SEC14L4: variants seen among roughly 807,000 people sequenced by gnomAD.
The protein encoded by SEC14L4 is SEC14-like protein 4.
A neutral mutation model predicts 55.1 loss-of-function variants in SEC14L4; 42 were observed. The ratio of observed to expected loss-of-function variants is 0.76; its 90% CI spans 0.60 to 0.99. The LOEUF is 0.99. SEC14L4 is among the 50% of genes least tolerant of loss of function. The probability of loss-of-function intolerance (pLI) is 0.00; values close to 1 mark genes in which losing one functional copy is unlikely to be tolerated. For synonymous variants in SEC14L4, 206 were observed against 206.8 expected, an observed-to-expected ratio of 1.00 and a Z score of 0.03; for missense variants, 445 against 512.1, an observed-to-expected ratio of 0.87 and a Z score of 1.27.
intron 2 of SEC14L4, among the ~76,000 whole-genome samples, chr22:30,498,577 G>A (rs914285211): frequency 6.6e-6 from 1 of 152,036 alleles, no homozygotes; most frequent in East Asian, 1.9e-4. Flanking sequence ...CATTGGCAAA[G>A]GTCTCCAGTT....
chr22:30,502,912 C>T lies in SEC14L4; in HGVS notation c.130+765G>A, dbSNP rs555794650. On this transcript the variant is annotated intron_variant, in intron 2 of 11. Coordinates refer to ENST00000255858, the MANE Select transcript of SEC14L4 (RefSeq NM_174977.4). ...GAAGAAACTGCTTCTCTAGCATTCG[C>T]TAAATCCACTTCCTTAAGTGTTTGC... is the stretch of plus-strand genomic sequence containing the variant. Among the ~76,000 whole-genome samples, 5 of 152,342 alleles carry T rather than the reference C, an allele frequency of 3.3e-5. No individual in the cohort carries two copies. In the South Asian group the frequency reaches 1.0e-3, roughly 32 times the overall value.
intron 2 of SEC14L4, among the ~76,000 whole-genome samples, chr22:30,497,634 C>T (rs1936192472): frequency 2.0e-5 from 3 of 152,162 alleles, no homozygotes. Flanking sequence ...TCCTCAGCAG[C>T]TTTGACTGAA....
In SEC14L4 at chr22:30,494,576, T is replaced by C. The variant is rs1936075978; in HGVS notation, c.519+290A>G. On this transcript the variant is annotated intron_variant, in intron 6 of 11. Transcript: ENST00000255858. Reference sequence around the variant, plus strand: ...ATTGTTGGTAGAGATGACATCTCACTGTGTTGCTCAGGCTGATCCTGAACT... The same window carrying C: ...ATTGTTGGTAGAGATGACATCTCACCGTGTTGCTCAGGCTGATCCTGAACT... Among the ~76,000 whole-genome samples, 1 of 152,184 alleles carries C rather than the reference T, an allele frequency of 6.6e-6. No homozygotes were observed. Among genetic ancestry groups the C allele is most frequent in the Non-Finnish European group, 1.5e-5 (1 of 68,036 alleles).
rs538317267 is a variant in SEC14L4, at chr22:30,491,752, A to C, written c.912-10T>G. 1.2e-6 allele frequency: 2 copies of C among 1,613,588 alleles called. No homozygotes were observed. Among genetic ancestry groups the C allele is most frequent in the Non-Finnish European group, 1.7e-6 (2 of 1,179,592 alleles). On this transcript the variant is annotated splice_polypyrimidine_tract_variant and intron_variant, in intron 10 of 11. Transcript: ENST00000255858. ...TGAAGCAAACTGCCACCTGCAGTGG[A>C]TAGAGCCCCATTGGCGACCCCCTGC...
chr22:30,503,454 G>T (rs1277496654), intron 2 of SEC14L4, among the ~76,000 whole-genome samples: 4 of 151,922 alleles, frequency 2.6e-5, no homozygotes, highest in Admixed American at 1.3e-4. Flanking sequence ...GTAGAGACAG[G>T]GTTTCCCCAT....
In SEC14L4 at chr22:30,492,194, G is replaced by C. The variant is rs1447490102; in HGVS notation, c.665-39C>G. The stretch of plus-strand genomic sequence containing the variant: ...AGAGAGGGACTCCAAAGGGACTCAG[G>C]AGACTCAACAGAGGGCAGAGGGGGC... On this transcript the variant is annotated intron_variant, in intron 8 of 11. Transcript: ENST00000255858. 3 of 1,580,828 alleles carry C rather than the reference G, an allele frequency of 1.9e-6. No homozygotes were observed. The Admixed American group carries it at 5.4e-5, about 29-fold the overall frequency.
chr22:30,493,455 C>A (rs1055727454), intron 7 of SEC14L4, among the ~76,000 whole-genome samples: 2 of 152,156 alleles, frequency 1.3e-5, no homozygotes, highest in African/African-American at 4.8e-5. Flanking sequence ...TGGATAAAAT[C>A]ATAGAGCTAG....
chr22:30,504,527 G>C (rs191299324), intron 1 of SEC14L4, among the ~76,000 whole-genome samples: 18 of 152,290 alleles, frequency 1.2e-4, no homozygotes, highest in Admixed American at 1.0e-3. Flanking sequence ...AAATAAACTT[G>C]TACCAATCAA....
rs920345988 is a variant in SEC14L4 at position 30,490,190 on chromosome 22, T to C, written c.1138A>G (p.Thr380Ala). Residue 380 changes from threonine (T) to alanine (A), a missense_variant, in exon 12 of 12, where the codon ACT becomes GCT. Thr to Ala is a moderately conservative substitution (Grantham distance 58). Coordinates refer to ENST00000255858, the MANE Select transcript of SEC14L4 (RefSeq NM_174977.4). Reference sequence around the variant, plus strand: ...TTGTCGGGAAGCAGCACCTCCACAGTGTAGCTGAGCTTCTTGGCATGCATC... The same window carrying C: ...TTGTCGGGAAGCAGCACCTCCACAGCGTAGCTGAGCTTCTTGGCATGCATC... The part of the protein sequence containing the change: ...SRMHAKKLSY[T>A]VEVLLPDKAS... 1 of 1,614,140 alleles carries C rather than the reference T, an allele frequency of 6.2e-7. No individual in the cohort carries two copies. Among genetic ancestry groups the C allele is most frequent in the Non-Finnish European group, 8.5e-7 (1 of 1,180,018 alleles).
At chr22:30,496,834 T>G (rs1053812541) in intron 2 of SEC14L4, among the ~76,000 whole-genome samples, 2 of 152,214 alleles carry the variant, frequency 1.3e-5, no homozygotes, top group Admixed American at 1.3e-4. Flanking sequence ...GCTATCATGA[T>G]TACCTATTTT....
intron 2 of SEC14L4, among the ~76,000 whole-genome samples, chr22:30,501,768 C>T (rs1437919918): frequency 1.3e-5 from 2 of 150,184 alleles, no homozygotes; most frequent in Non-Finnish European, 3.0e-5. Flanking sequence ...GAACTTTTTG[C>T]ACTATATTTG....
At position 30,492,488 on chromosome 22, in the gene SEC14L4, A is replaced by G. The variant is rs768737327; in HGVS notation, c.650T>C (p.Ile217Thr). ...ACGTCGCTCACCTCCCAGAATCACA[A>G]TCTTCCTGCGTGTCTCCTCACTCAT... ...SFMSEETRRK[I>T]VILGDNWKQE... is the part of the protein sequence containing the mutation. The change falls in exon 8 of 12, where the codon ATT (isoleucine) becomes ACT (threonine). Residue 217 changes from isoleucine (I) to threonine (T), a missense_variant. Transcript: ENST00000255858. 3 of 1,613,842 alleles carry G rather than the reference A, an allele frequency of 1.9e-6. No homozygotes were observed. The highest frequency in any genetic ancestry group is 2.5e-6 in the Non-Finnish European group (3 of 1,179,748).
intron 1 of SEC14L4, 113 bp downstream of exon 1, chr22:30,505,445 G>GCT: frequency 8.9e-7 from 1 of 1,121,214 alleles, no homozygotes; most frequent in Non-Finnish European, 1.3e-6. Flanking sequence ...GAACAGAGGC[G>GCT]CTCTCTCCAG....
chr22:30,504,445 A>T (rs1936430113), intron 1 of SEC14L4, among the ~76,000 whole-genome samples: 1 of 152,188 alleles, frequency 6.6e-6, no homozygotes, highest in Admixed American at 6.6e-5. Context: ...CTGCATCTTG[A>T]GGGTTTAGAT....
chr22:30,495,778 G>T, intron 3 of SEC14L4, 136 bp from the exon 4 acceptor site: 1 of 1,599,722 alleles, frequency 6.3e-7, no homozygotes, highest in Middle Eastern at 1.7e-4. Context: ...AGGTGGGCTG[G>T]GGGGACTTGG....
In SEC14L4 at chr22:30,489,497, C is replaced by T. The variant is rs993167375; in HGVS notation, c.*610G>A. The T allele has an allele frequency of 3.1e-5, 10 of 319,200 alleles. No individual in the cohort carries two copies. The highest frequency in any genetic ancestry group is 5.2e-5 in the Non-Finnish European group (9 of 171,742). 19.8% of individuals were successfully genotyped at this position (319,200 alleles called of 1,614,324 possible). Reference sequence around the variant, plus strand: ...TCAGGTGATCTGCCCAACTCAGCCTCCCAAACTGCTGGGATTATAGGCGTG... The same window carrying T: ...TCAGGTGATCTGCCCAACTCAGCCTTCCAAACTGCTGGGATTATAGGCGTG... On this transcript the variant is annotated 3_prime_UTR_variant, in exon 12 of 12. Coordinates refer to ENST00000255858, the MANE Select transcript of SEC14L4 (RefSeq NM_174977.4).
intron 2 of SEC14L4, 21 bp downstream of exon 2, chr22:30,503,656 C>T (rs1419881591): frequency 7.6e-6 from 12 of 1,580,740 alleles, no homozygotes; most frequent in Non-Finnish European, 9.6e-6. Flanking sequence ...TTCTGCGTCC[C>T]CTGACCCCTG....
At position 30,492,456 on chromosome 22, in the gene SEC14L4, G is replaced by C; in HGVS notation, c.664+18C>G. 1 of 1,603,480 alleles carries C rather than the reference G, an allele frequency of 6.2e-7. No individual in the cohort carries two copies. Among genetic ancestry groups the C allele is most frequent in the Non-Finnish European group, 8.5e-7 (1 of 1,170,302 alleles). On this transcript the variant is annotated intron_variant, in intron 8 of 11. Coordinates refer to ENST00000255858, the MANE Select transcript of SEC14L4 (RefSeq NM_174977.4). ...CTTCCCAGGCAGATGGACACAACCA[G>C]GGGGCCACGTCGCTCACCTCCCAGA...
intron 1 of SEC14L4, among the ~76,000 whole-genome samples, chr22:30,504,810 T>A (rs1936440268): frequency 6.6e-6 from 1 of 152,076 alleles, no homozygotes; most frequent in Non-Finnish European, 1.5e-5. Flanking sequence ...AATCTGTGAA[T>A]CCAAATTTGG....
Sources: gnomAD v4.1 joint callset for allele counts (sites outside exome capture counted in the v4.1 genomes callset) on GRCh38, gnomAD v4.1.1 for gene constraint, MANE v1.5 for transcripts, NCBI Gene and HGNC (gene_info 2026-07-23, HGNC 2026-07-21) for gene names.